The following RANBP2 variants were observed in gnomAD, a reference collection of about 807,000 sequenced individuals.
RANBP2 encodes RAN binding protein 2.
RANBP2 carries 57 observed loss-of-function variants against 303.6 expected under a neutral mutation model. The observed-to-expected ratio is 0.19, with a 90% CI of 0.15 to 0.23. The LOEUF is 0.23. Ranked by LOEUF, RANBP2 falls within the 10% of genes least tolerant of loss-of-function variation. The pLI, the probability that RANBP2 is intolerant of heterozygous loss-of-function variation, is 1.00. For synonymous variants in RANBP2, 1,167 were observed against 1,301.5 expected (o/e 0.90, Z 2.23); for missense variants, 3,138 against 3,780.8 (o/e 0.83, Z 4.46).
chr2:108,851,423 T>A, the RANBP2 span, among the ~76,000 whole-genome samples: 2 of 152,136 alleles, frequency 1.3e-5, no homozygotes, highest in African/African-American at 4.8e-5. Flanking sequence ...TGCCTCAGCC[T>A]CCCGAGTAGC....
chr2:109,003,774 G>A, the RANBP2 span, among the ~76,000 whole-genome samples: 1 of 152,158 alleles, frequency 6.6e-6, no homozygotes, highest in Non-Finnish European at 1.5e-5. Context: ...TGCAACTCCA[G>A]CAGCTCTATT....
chr2:109,271,115 G>A, the RANBP2 span, among the ~76,000 whole-genome samples: 2 of 152,182 alleles, frequency 1.3e-5, no homozygotes, highest in African/African-American at 2.4e-5. Context: ...GCCAGCGAAC[G>A]GGGCGAAGTG....
At chr2:109,055,675 C>T in the RANBP2 span, among the ~76,000 whole-genome samples, 5 of 148,146 alleles carry the variant, frequency 3.4e-5, no homozygotes, top group African/African-American at 5.0e-5. Context: ...TGAGCCACCA[C>T]GCCCAGCGGC....
the RANBP2 span, among the ~76,000 whole-genome samples, chr2:109,709,558 A>T: frequency 1.1e-3 from 163 of 152,210 alleles, no homozygotes; most frequent in African/African-American, 3.8e-3. Context: ...GCTGCACTGC[A>T]ATTCCTTATC....
At chr2:109,633,711 A>G in the RANBP2 span, among the ~76,000 whole-genome samples, 1 of 152,162 alleles carries the variant, frequency 6.6e-6, no homozygotes, top group African/African-American at 2.4e-5. Flanking sequence ...GGAAACCCAG[A>G]TGACTCAGCT....
the RANBP2 span, among the ~76,000 whole-genome samples, chr2:109,724,507 T>C: frequency 6.6e-6 from 1 of 152,156 alleles, no homozygotes; most frequent in African/African-American, 2.4e-5. Context: ...GACACAGTTA[T>C]TTCAACATGG....
chr2:109,078,134 T>TTCAGCCTTAAAAAAGAAGGA, the RANBP2 span, among the ~76,000 whole-genome samples: 5 of 69,608 alleles, frequency 7.2e-5, no homozygotes, highest in Non-Finnish European at 1.3e-4. Context: ...TATATATATA[T>TTCAGCCTTAAAAAAGAAGGA]AGCGTGTATA....
chr2:109,414,357 C>T, the RANBP2 span, among the ~76,000 whole-genome samples: 1 of 152,196 alleles, frequency 6.6e-6, no homozygotes, highest in African/African-American at 2.4e-5. Flanking sequence ...CTTGGGGACT[C>T]TGTCCTCCAC....
the RANBP2 span, among the ~76,000 whole-genome samples, chr2:109,404,971 C>T: frequency 6.6e-6 from 1 of 151,944 alleles, no homozygotes; most frequent in African/African-American, 2.4e-5. Flanking sequence ...CCCCTCCTGC[C>T]AGACCCTCTT....
the RANBP2 span, among the ~76,000 whole-genome samples, chr2:108,999,340 C>G: frequency 6.6e-6 from 1 of 152,210 alleles, no homozygotes; most frequent in Non-Finnish European, 1.5e-5. Context: ...TTAACAATTA[C>G]GCTTATCTCT....
chr2:109,044,476 T>G, the RANBP2 span, among the ~76,000 whole-genome samples: 1 of 152,010 alleles, frequency 6.6e-6, no homozygotes, highest in African/African-American at 2.4e-5. Flanking sequence ...TGAACCGAGA[T>G]GGCGCCACTG....
At chr2:108,850,961 A>G in the RANBP2 span, among the ~76,000 whole-genome samples, 4 of 152,180 alleles carry the variant, frequency 2.6e-5, no homozygotes, top group South Asian at 8.3e-4. Context: ...AGATCCCACA[A>G]GTTGGGCACT....
At chr2:109,078,098 A>ATATATATATATAGCG in the RANBP2 span, among the ~76,000 whole-genome samples, 1 of 60,068 alleles carries the variant, frequency 1.7e-5, no homozygotes, top group African/African-American at 8.6e-5. Context: ...ATATATATAT[A>ATATATATATATAGCG]TATATATATA....
chr2:109,166,341 G>T, the RANBP2 span, among the ~76,000 whole-genome samples: 1 of 152,062 alleles, frequency 6.6e-6, no homozygotes, highest in Non-Finnish European at 1.5e-5. Flanking sequence ...GCCGAGTGTG[G>T]TGGTGTGTGC....
At chr2:109,516,123 G>A in the RANBP2 span, among the ~76,000 whole-genome samples, 1 of 152,222 alleles carries the variant, frequency 6.6e-6, no homozygotes, top group Non-Finnish European at 1.5e-5. Flanking sequence ...GGGCATGGGA[G>A]CAGCCTATGA....
chr2:109,289,261 C>A, the RANBP2 span, among the ~76,000 whole-genome samples: 11 of 152,208 alleles, frequency 7.2e-5, no homozygotes, highest in African/African-American at 2.7e-4. Context: ...GCCACATTAT[C>A]ACCCACTGGC....
chr2:109,089,034 C>A, the RANBP2 span, among the ~76,000 whole-genome samples: 1 of 152,068 alleles, frequency 6.6e-6, no homozygotes, highest in Admixed American at 6.5e-5. Flanking sequence ...GAGTAGGGAG[C>A]AAACTCGAGT....
At chr2:109,556,426 AAGTT>A in the RANBP2 span, among the ~76,000 whole-genome samples, 1 of 152,224 alleles carries the variant, frequency 6.6e-6, no homozygotes, top group Admixed American at 6.5e-5. Flanking sequence ...AGAATTCTGT[AAGTT>A]CAAAGAAACG....
At position 108,772,891 on chromosome 2, in the gene RANBP2, G is replaced by T; in HGVS notation, c.8137G>T (p.Val2713Phe). 6.2e-7 allele frequency: 1 copy of T among 1,613,814 alleles called. No homozygotes were observed. Among genetic ancestry groups the T allele is most frequent in the Non-Finnish European group, 8.5e-7 (1 of 1,179,892 alleles). The change falls in exon 23 of 29, where the codon GTT becomes TTT. Residue 2713 changes from valine (V) to phenylalanine (F), a missense_variant. This residue lies in a region of RANBP2 where 497 missense variants were observed against 465.8 expected (regional missense o/e 1.07). Coordinates refer to ENST00000283195, the MANE Select transcript of RANBP2 (RefSeq NM_006267.5). ...TADNEKECII[V>F]WEKKPTVEEK... ...AGATAATGAGAAAGAATGTATTATT[G>T]TTTGGGAAAAGAAACCAACAGTTGA...
Sources: gnomAD v4.1 joint callset for allele counts (sites outside exome capture counted in the v4.1 genomes callset) on GRCh38, gnomAD v4.1.1 for gene constraint, gnomAD v4.1.1 regional missense constraint, MANE v1.5 for transcripts, NCBI Gene and HGNC (gene_info 2026-07-23, HGNC 2026-07-21) for gene names.